Variants in BLNK observed in about 807,000 individuals in gnomAD.
BLNK encodes B cell linker.
A neutral mutation model predicts 73.5 loss-of-function variants in BLNK; 29 were observed. The ratio of observed to expected loss-of-function variants is 0.39; its 90% CI spans 0.29 to 0.54. The LOEUF is 0.54. BLNK is among the 20% of genes least tolerant of loss of function. The pLI is 0.61. For missense variants in BLNK, 460 were observed against 562.8 expected, an observed-to-expected ratio of 0.82 and a Z score of 1.85; for synonymous variants, 176 against 200.8, an observed-to-expected ratio of 0.88 and a Z score of 1.04.
intron 1 of BLNK, among the ~76,000 whole-genome samples, chr10:96,253,950 G>A (rs1232924331): frequency 6.6e-6 from 1 of 151,984 alleles, no homozygotes; most frequent in Admixed American, 6.6e-5. Flanking sequence ...GGACCCAGGA[G>A]GTGGAGCTTG....
rs1235682099 is a variant in BLNK, at chr10:96,200,428, G to T, written c.1012-270C>A. ...AAGTAATAATCCCCCTTTCCATTGT[G>T]CTCTTATTGCTCTTACTTTGTGGAG... On this transcript the variant is annotated intron_variant, in intron 14 of 16. Transcript: ENST00000224337. This position sits in a 1 kb window ranked among gnomAD's most constrained non-coding sequence, Gnocchi z 4.3. Among the ~76,000 whole-genome samples, 3 of 151,390 alleles carry T rather than the reference G, an allele frequency of 2.0e-5. No individual in the cohort carries two copies. The highest frequency in any genetic ancestry group is 3.9e-4 in the East Asian group (2 of 5,172).
chr10:96,247,014 T>C lies in BLNK; in HGVS notation c.83A>G (p.Asn28Ser), dbSNP rs781951234. The change falls in exon 2 of 17, where the codon AAT (asparagine) becomes AGT (serine). Residue 28 changes from asparagine (N) to serine (S), a missense_variant. By Grantham distance (46) the Asn-to-Ser change is conservative (BLOSUM62 1). Coordinates refer to ENST00000224337, the MANE Select transcript of BLNK (RefSeq NM_013314.4). The stretch of plus-strand genomic sequence containing the variant: ...GATTTTATTCATTATTCCACCTTCA[T>C]TGTTTTTAATATCATGGACCATCTT... ...LQKMVHDIKN[N>S]EGGIMNKIKK... is the part of the protein sequence containing the mutation. 6.2e-7 allele frequency: 1 copy of C among 1,608,332 alleles called. No homozygotes were observed. Among genetic ancestry groups the C allele is most frequent in the Admixed American group, 1.7e-5 (1 of 59,842 alleles).
chr10:96,216,837 C>T, intron 6 of BLNK, 103 bp from the exon 7 acceptor site: 1 of 950,286 alleles, frequency 1.1e-6, no homozygotes, highest in Non-Finnish European at 1.7e-6. Flanking sequence ...ACGCAATTCA[C>T]ATATCATAAA....
rs1218188033 is a variant in BLNK at position 96,230,812 on chromosome 10, C to A, written c.186G>T (p.Glu62Asp). ...YASESPADEE[E>D]QWSDDFDSDY... is the part of the protein sequence containing the mutation. ...TACTTACAAAGTCATCGGACCACTG[C>A]TCCTCTTCGTCAGCAGGGCTCTCTG... is the stretch of plus-strand genomic sequence containing the variant. Residue 62 changes from glutamate to aspartate, a missense_variant, in exon 4 of 17, where the codon GAG becomes GAT. By Grantham distance (45) the Glu-to-Asp change is conservative. Transcript: ENST00000224337. 2 of 1,611,324 alleles carry A rather than the reference C, an allele frequency of 1.2e-6. No individual in the cohort carries two copies. The highest frequency in any genetic ancestry group is 1.7e-6 in the Non-Finnish European group (2 of 1,179,026).
intron 6 of BLNK, 137 bp downstream of exon 6, chr10:96,223,689 G>A: frequency 9.5e-7 from 1 of 1,048,800 alleles, no homozygotes; most frequent in East Asian, 2.4e-5. Context: ...AGTCCCTTTG[G>A]TATAATAGTG....
chr10:96,223,853 G>C lies in BLNK; in HGVS notation c.498C>G (p.Pro166=), dbSNP rs1554901767. 3.1e-6 allele frequency: 5 copies of C among 1,613,916 alleles called. No homozygotes were observed. Among genetic ancestry groups the C allele is most frequent in the Non-Finnish European group, 4.2e-6 (5 of 1,180,032 alleles). ...CATCCTCAAGGAGGCCTTTGGGTTT[G>C]GGTGGGACTTGAGGTTTCTGCAAAG... ...LTALQKPQVP[P]KPKGLLEDEA... The change falls in exon 6 of 17, where the codon CCC becomes CCG. Residue 166 remains proline (P), a synonymous_variant. Coordinates refer to ENST00000224337, the MANE Select transcript of BLNK (RefSeq NM_013314.4).
At chr10:96,260,675 C>G (rs1843714989) in intron 1 of BLNK, among the ~76,000 whole-genome samples, 1 of 152,046 alleles carries the variant, frequency 6.6e-6, no homozygotes, top group African/African-American at 2.4e-5. Flanking sequence ...CATTCAAGAA[C>G]TCATATATTG....
At chr10:96,241,381 G>A (rs917015212) in intron 3 of BLNK, among the ~76,000 whole-genome samples, 1 of 152,154 alleles carries the variant, frequency 6.6e-6, no homozygotes, top group Non-Finnish European at 1.5e-5. Flanking sequence ...CAACGTATTT[G>A]TTCTAATAAA....
At chr10:96,207,944 C>A (rs1554897832) in intron 9 of BLNK, 45 bp from the exon 10 acceptor site, 1 of 1,586,730 alleles carries the variant, frequency 6.3e-7, no homozygotes, top group Admixed American at 1.7e-5. Context: ...ACAACGAAGA[C>A]AAAATGGAGC....
At position 96,189,603 on chromosome 10, in the gene BLNK, G is replaced by C; in HGVS notation, c.*2370C>G. 1.4e-6 allele frequency: 1 copy of C among 694,534 alleles called. No individual in the cohort carries two copies. Among genetic ancestry groups the C allele is most frequent in the South Asian group, 1.4e-5 (1 of 73,498 alleles). The allele number at this position is 694,534 out of a possible 1,614,324, so 43.0% of individuals were successfully genotyped here. A position where few individuals can be genotyped will look rare whatever the true frequency, so the allele number is the denominator to read the frequency against. On this transcript the variant is annotated 3_prime_UTR_variant, in exon 17 of 17. Coordinates refer to ENST00000224337, the MANE Select transcript of BLNK (RefSeq NM_013314.4). Reference sequence around the variant, plus strand: ...TAATCTTGGTGTTGATGATGGGTTTGAGTGTTTTCTATTCTGATTTGACTT... The same window carrying C: ...TAATCTTGGTGTTGATGATGGGTTTCAGTGTTTTCTATTCTGATTTGACTT...
chr10:96,211,462 G>C (rs2083947002), intron 8 of BLNK, among the ~76,000 whole-genome samples: 1 of 152,048 alleles, frequency 6.6e-6, no homozygotes. Flanking sequence ...AAAAAGAAAA[G>C]GCCTCAAAAA....
intron 3 of BLNK, 80 bp from the exon 4 acceptor site, chr10:96,230,914 A>T (rs1318824699): frequency 6.1e-6 from 9 of 1,465,340 alleles, no homozygotes; most frequent in Non-Finnish European, 6.6e-6. Flanking sequence ...CACATTTCGC[A>T]CCTGCCTTCC....
chr10:96,204,451 G>A, intron 12 of BLNK, 81 bp downstream of exon 12: 1 of 1,392,700 alleles, frequency 7.2e-7, no homozygotes, highest in Non-Finnish European at 1.0e-6. Flanking sequence ...GCAAGTCAGT[G>A]TCACTGTGCA....
At chr10:96,204,507 G>A (rs377030650) in intron 12 of BLNK, 25 bp downstream of exon 12, 1 of 1,609,058 alleles carries the variant, frequency 6.2e-7, no homozygotes, top group Non-Finnish European at 8.5e-7. Context: ...AGAGGAAACT[G>A]ATCTTTAAAG....
intron 13 of BLNK, 31 bp downstream of exon 13, chr10:96,204,026 C>T (rs2083729203): frequency 6.2e-7 from 1 of 1,600,800 alleles, no homozygotes; most frequent in East Asian, 2.2e-5. Context: ...CGACCACTCC[C>T]TGATACACTA....
chr10:96,255,510 C>A (rs1455045740), intron 1 of BLNK, among the ~76,000 whole-genome samples: 1 of 149,832 alleles, frequency 6.7e-6, no homozygotes, highest in South Asian at 2.1e-4. Flanking sequence ...TTTCATTTGT[C>A]TTTCAGAAAG....
At chr10:96,214,038 T>C (rs1554899252) in intron 8 of BLNK, among the ~76,000 whole-genome samples, 1 of 152,222 alleles carries the variant, frequency 6.6e-6, no homozygotes. Flanking sequence ...TACTCGACTG[T>C]TCTTTCATTT....
At chr10:96,199,792 G>A (rs587684483) in intron 15 of BLNK, among the ~76,000 whole-genome samples, 8 of 152,138 alleles carry the variant, frequency 5.3e-5, no homozygotes, top group Non-Finnish European at 1.0e-4. Context: ...GGCCAAGGCC[G>A]CCAGGCAGAT....
At chr10:96,214,198 G>C (rs2084010565) in intron 8 of BLNK, among the ~76,000 whole-genome samples, 2 of 152,180 alleles carry the variant, frequency 1.3e-5, no homozygotes, top group South Asian at 4.1e-4. Context: ...CAAGGGGAGA[G>C]AGGGAGAGGA....
Sources: allele counts gnomAD v4.1 joint callset (sites outside exome capture counted in the v4.1 genomes callset), GRCh38; gene constraint gnomAD v4.1.1; non-coding constraint Gnocchi (gnomAD v3.1); transcripts MANE v1.5; gene names NCBI Gene and HGNC (gene_info 2026-07-23, HGNC 2026-07-21).